The following KIF2A variants were observed in gnomAD, a reference collection of about 807,000 sequenced individuals.
KIF2A encodes the protein kinesin family member 2A.
KIF2A carries 22 observed loss-of-function variants against 100.2 expected under a neutral mutation model. The ratio of observed to expected loss-of-function variants is 0.22; its 90% CI spans 0.16 to 0.31. The LOEUF (loss-of-function observed/expected upper bound fraction) is 0.31, where lower values mean the gene tolerates loss of function less well. KIF2A is among the 10% of genes least tolerant of loss of function. The probability of loss-of-function intolerance (pLI) is 1.00; values close to 1 mark genes in which losing one functional copy is unlikely to be tolerated. For synonymous variants in KIF2A, 268 were observed against 285.9 expected (o/e 0.94, Z 0.63); for missense variants, 495 against 898.7 (o/e 0.55, Z 5.74).
intron 19 of KIF2A, among the ~76,000 whole-genome samples, chr5:62,379,728 C>CA (rs1447823939): frequency 1.3e-5 from 2 of 151,678 alleles, no homozygotes; most frequent in African/African-American, 4.8e-5. Flanking sequence ...AATCAAGACA[C>CA]ATACCTATGT....
Position 62,306,396 on chromosome 5 carries a change from CT to C in KIF2A, c.-76del. ...CGGGCAACCGCTCCCCCTCCCACAC[CT>C]ACCCCGCCCCCTCCCCGCCTTTTCC... On this transcript the variant is annotated 5_prime_UTR_variant, in exon 1 of 21. Transcript: ENST00000407818. 2 of 923,258 alleles carry C rather than the reference CT, an allele frequency of 2.2e-6. No homozygotes were observed. Among genetic ancestry groups the C allele is most frequent in the Non-Finnish European group, 1.7e-6 (1 of 597,476 alleles). The allele number at this position is 923,258 out of a possible 1,614,324, so 57.2% of individuals were successfully genotyped here. A position where few individuals can be genotyped will look rare whatever the true frequency, so the allele number is the denominator to read the frequency against.
In KIF2A at chr5:62,352,605, G is replaced by T. The variant is rs1747910170; in HGVS notation, c.352G>T (p.Ala118Ser). 6.3e-7 allele frequency: 1 copy of T among 1,583,890 alleles called. No homozygotes were observed. Among genetic ancestry groups the T allele is most frequent in the African/African-American group, 1.4e-5 (1 of 73,922 alleles). ...ACTTACAGTGGTTGGTTCAGCACGT[G>T]CACGGCCCAGTCAATTTCCTGAACA... ...RDNRVVGSAR[A>S]RPSQFPEQSS... Residue 118 changes from alanine to serine, a missense_variant, in exon 5 of 21, where the codon GCA (alanine) becomes TCA (serine). Around this residue, in one of 10 missense-constraint regions of KIF2A, gnomAD observed 115 missense variants for 143.6 expected, o/e 0.80. Coordinates refer to ENST00000407818, the MANE Select transcript of KIF2A (RefSeq NM_001098511.3).
intron 9 of KIF2A, among the ~76,000 whole-genome samples, chr5:62,360,474 C>T (rs1413768625): frequency 6.6e-6 from 1 of 152,084 alleles, no homozygotes; most frequent in Admixed American, 6.5e-5. Flanking sequence ...CGCCTGTGGT[C>T]AGGAGTTTGA....
rs184454242 is a variant in KIF2A at position 62,316,758 on chromosome 5, C to T, written c.64+10222C>T. 3.3e-3 allele frequency among the ~76,000 whole-genome samples: 507 copies of T among 152,144 alleles called. 2 individuals are homozygous for T. Among genetic ancestry groups the T allele is most frequent in the South Asian group, 6.4e-3 (31 of 4,822 alleles). ...AGGGTGTGTGGGGTTAAGAATTGTA[C>T]GGGAAATCTCTGTACCTTCCACTCA... On this transcript the variant is annotated intron_variant, in intron 1 of 20. Transcript: ENST00000407818.
Position 62,389,083 on chromosome 5 carries a change from T to C in KIF2A, c.*3514T>C, listed in dbSNP as rs1435855359. 8 of 1,588,174 alleles carry C rather than the reference T, an allele frequency of 5.0e-6. No individual in the cohort carries two copies. The highest frequency in any genetic ancestry group is 6.9e-6 in the Non-Finnish European group (8 of 1,160,368). Reference sequence around the variant, plus strand: ...AAAAGAAATCAAAATGGAATGGTACTGAAAAGCTAATTTGTAGCACATAAC... The same window carrying C: ...AAAAGAAATCAAAATGGAATGGTACCGAAAAGCTAATTTGTAGCACATAAC... On this transcript the variant is annotated 3_prime_UTR_variant, in exon 21 of 21. Transcript: ENST00000407818.
intron 1 of KIF2A, among the ~76,000 whole-genome samples, chr5:62,337,117 A>G (rs916646725): frequency 6.6e-6 from 1 of 152,244 alleles, no homozygotes; most frequent in East Asian, 1.9e-4. Flanking sequence ...CAAATACTCA[A>G]GAGTTGAATA....
chr5:62,347,251 C>T (rs745977169), intron 2 of KIF2A, 27 bp downstream of exon 2: 11 of 1,172,000 alleles, frequency 9.4e-6, no homozygotes, highest in Non-Finnish European at 1.1e-5. Context: ...TAATTTTATT[C>T]CTAGTCCTGC....
chr5:62,320,132 TTAATAA>T (rs1322526464), intron 1 of KIF2A, among the ~76,000 whole-genome samples: 2 of 152,192 alleles, frequency 1.3e-5, no homozygotes, highest in African/African-American at 4.8e-5. Flanking sequence ...TGTAATTTAC[TTAATAA>T]TAATGATATC....
intron 1 of KIF2A, among the ~76,000 whole-genome samples, chr5:62,329,190 T>G (rs1313400556): frequency 1.3e-5 from 2 of 152,180 alleles, no homozygotes; most frequent in Non-Finnish European, 2.9e-5. Context: ...AACTTTCAAT[T>G]TAGTTAAAAA....
At chr5:62,336,700 G>C (rs1330482236) in intron 1 of KIF2A, among the ~76,000 whole-genome samples, 1 of 152,180 alleles carries the variant, frequency 6.6e-6, no homozygotes, top group Admixed American at 6.5e-5. Flanking sequence ...TAAGGATGGT[G>C]AATGACTTAA....
intron 11 of KIF2A, among the ~76,000 whole-genome samples, chr5:62,362,052 T>C (rs1204057572): frequency 1.3e-5 from 2 of 151,360 alleles, no homozygotes; most frequent in Non-Finnish European, 1.5e-5. Context: ...AAAAGAACTG[T>C]AAGATTGATT....
rs915564840 is a variant in KIF2A, at chr5:62,325,018, A to G, written c.64+18482A>G. 2.0e-5 allele frequency among the ~76,000 whole-genome samples: 3 copies of G among 152,356 alleles called. No homozygotes were observed. The South Asian group carries it at 6.2e-4, about 32-fold the overall frequency. On this transcript the variant is annotated intron_variant, in intron 1 of 20. Transcript: ENST00000407818. Reference sequence around the variant, plus strand: ...AGCAAAAAGCAAACAGTCCCATTAAAAAATGGGCAAAGGGACACACTTGCT... The same window carrying G: ...AGCAAAAAGCAAACAGTCCCATTAAGAAATGGGCAAAGGGACACACTTGCT...
chr5:62,340,821 A>C (rs199868809), intron 1 of KIF2A, among the ~76,000 whole-genome samples: 1 of 152,116 alleles, frequency 6.6e-6, no homozygotes, highest in East Asian at 1.9e-4. Context: ...AAAAATTATA[A>C]ATTTGTATTA....
At chr5:62,381,340 C>T (rs1741763023) in intron 20 of KIF2A, 87 bp downstream of exon 20, 22 of 1,074,748 alleles carry the variant, frequency 2.0e-5, no homozygotes, top group Non-Finnish European at 2.7e-5. Flanking sequence ...TGCAAGAGGA[C>T]ATACGAAGTG....
intron 1 of KIF2A, among the ~76,000 whole-genome samples, chr5:62,338,954 C>T (rs1747126401): frequency 1.3e-5 from 2 of 152,102 alleles, no homozygotes; most frequent in Admixed American, 6.5e-5. Context: ...GAAATTAGAA[C>T]CATAATATGA....
intron 1 of KIF2A, among the ~76,000 whole-genome samples, chr5:62,328,384 T>C (rs567292577): frequency 1.3e-5 from 2 of 152,288 alleles, no homozygotes; most frequent in East Asian, 1.9e-4. Context: ...ATCGTGATTT[T>C]AGAATTTTGG....
chr5:62,377,958 G>A (rs1269026557), intron 19 of KIF2A, among the ~76,000 whole-genome samples, 196 bp downstream of exon 19: 1 of 152,164 alleles, frequency 6.6e-6, no homozygotes, highest in Non-Finnish European at 1.5e-5. Flanking sequence ...TTGCACCATG[G>A]TGAAACGTTC....
intron 11 of KIF2A, 27 bp from the exon 12 acceptor site, chr5:62,362,423 A>G (rs1748453818): frequency 2.6e-6 from 3 of 1,164,416 alleles, no homozygotes; most frequent in Non-Finnish European, 3.4e-6. Context: ...TTGGATCTCA[A>G]TTTTCTGTAT....
intron 1 of KIF2A, among the ~76,000 whole-genome samples, chr5:62,325,633 C>CA (rs762202522): frequency 4.6e-5 from 7 of 151,954 alleles, no homozygotes; most frequent in Non-Finnish European, 1.0e-4. Context: ...ATTAAAAAGT[C>CA]AAAAAAATAA....
Sources: gnomAD v4.1 joint callset for allele counts (sites outside exome capture counted in the v4.1 genomes callset) on GRCh38, gnomAD v4.1.1 for gene constraint, gnomAD v4.1.1 regional missense constraint, MANE v1.5 for transcripts, NCBI Gene and HGNC (gene_info 2026-07-23, HGNC 2026-07-21) for gene names.